Variants in RC3H2 observed in about 807,000 individuals in gnomAD.
The protein encoded by RC3H2 is ring finger and CCCH-type domains 2.
In RC3H2, 31 loss-of-function variants were observed where a neutral mutation model predicts 133.3. The observed-to-expected ratio is 0.23, with a 90% CI of 0.17 to 0.31. The LOEUF is 0.31. Among genes scored for constraint, RC3H2 ranks in the 10% least tolerant of loss-of-function variants. The pLI, the probability that RC3H2 is intolerant of heterozygous loss-of-function variation, is 1.00. For synonymous variants in RC3H2, 517 were observed against 502.2 expected (o/e 1.03, Z -0.40); for missense variants, 1,175 against 1,437.2 (o/e 0.82, Z 2.95).
chr9:122,902,303 C>T (rs1205214280), intron 1 of RC3H2, among the ~76,000 whole-genome samples: 1 of 152,158 alleles, frequency 6.6e-6, no homozygotes, highest in Non-Finnish European at 1.5e-5. Context: ...ATAGAACTTA[C>T]TTCTGCCTAT....
chr9:122,900,517 TG>T (rs1460823426), intron 1 of RC3H2, among the ~76,000 whole-genome samples: 1 of 152,160 alleles, frequency 6.6e-6, no homozygotes, highest in Non-Finnish European at 1.5e-5. Flanking sequence ...AAAATATTTT[TG>T]TAACTACCAA....
At chr9:122,878,561 C>A (rs369268524) in intron 8 of RC3H2, among the ~76,000 whole-genome samples, 2 of 152,104 alleles carry the variant, frequency 1.3e-5, no homozygotes, top group African/African-American at 4.8e-5. Context: ...TGAGCCACCG[C>A]GCCCAGCCCC....
chr9:122,892,602 G>A lies in RC3H2; in HGVS notation c.349+307C>T, dbSNP rs545157596. On this transcript the variant is annotated intron_variant, in intron 3 of 20. Coordinates refer to ENST00000357244, the MANE Select transcript of RC3H2 (RefSeq NM_001100588.3). ...AATTTTTTGTATTTTTAGTAGAGAC[G>A]GGGTTTCACCGTGTTAGCCAGGATA... is the stretch of plus-strand genomic sequence containing the variant. Among the ~76,000 whole-genome samples the A allele has an allele frequency of 2.0e-5, 3 of 152,148 alleles. No homozygotes were observed. In the East Asian group the frequency reaches 5.8e-4, roughly 29 times the overall value.
At chr9:122,872,865 C>T (rs1831159437) in intron 9 of RC3H2, among the ~76,000 whole-genome samples, 2 of 152,222 alleles carry the variant, frequency 1.3e-5, no homozygotes, top group South Asian at 4.1e-4. Context: ...GGATTACAGG[C>T]ATGAGCCACT....
chr9:122,895,750 CT>C (rs1832389531), intron 2 of RC3H2, among the ~76,000 whole-genome samples: 1 of 152,044 alleles, frequency 6.6e-6, no homozygotes, highest in African/African-American at 2.4e-5. Flanking sequence ...AAAATAATTC[CT>C]TTCTGGCTTT....
intron 16 of RC3H2, 86 bp downstream of exon 16, chr9:122,854,445 T>C (rs1335400581): frequency 8.2e-7 from 1 of 1,217,002 alleles, no homozygotes; most frequent in African/African-American, 1.5e-5. Context: ...CAAAGCACAT[T>C]TCATGAACTG....
intron 14 of RC3H2, 90 bp downstream of exon 14, chr9:122,855,638 TATGA>T: frequency 9.4e-6 from 13 of 1,385,616 alleles, no homozygotes; most frequent in South Asian, 2.8e-5. Flanking sequence ...AAGGCAACAA[TATGA>T]ATGAATGAAT....
At position 122,854,717 on chromosome 9, in the gene RC3H2, C is replaced by T; in HGVS notation, c.2816-102G>A. ...ATAGATCTGTATTTTATCCCACTAG[C>T]CATATGATGCTGGTTAAACACCTAA... On this transcript the variant is annotated intron_variant, in intron 15 of 20. Transcript: ENST00000357244. 3 of 763,358 alleles carry T rather than the reference C, an allele frequency of 3.9e-6. No individual in the cohort carries two copies. The South Asian group carries it at 4.4e-5, about 11-fold the overall frequency. 47.3% of individuals were successfully genotyped at this position (763,358 alleles called of 1,614,324 possible). A position where few individuals can be genotyped will look rare whatever the true frequency, so the allele number is the denominator to read the frequency against.
At chr9:122,902,032 C>T (rs532617928) in intron 1 of RC3H2, among the ~76,000 whole-genome samples, 175 of 150,882 alleles carry the variant, frequency 1.2e-3, no homozygotes, top group Non-Finnish European at 2.1e-3. Context: ...CGGGTTCAAG[C>T]GATTCTCCTG....
At chr9:122,882,526 T>C (rs1220841474) in intron 5 of RC3H2, among the ~76,000 whole-genome samples, 1 of 152,260 alleles carries the variant, frequency 6.6e-6, no homozygotes, top group Non-Finnish European at 1.5e-5. Context: ...CCTTTCTATT[T>C]CCAAGTACAT....
intron 13 of RC3H2, 115 bp downstream of exon 13, chr9:122,857,808 T>A: frequency 1.2e-6 from 1 of 802,382 alleles, no homozygotes; most frequent in Non-Finnish European, 1.9e-6. Flanking sequence ...CTAAACTCAA[T>A]TGCACACCAA....
At chr9:122,883,435 G>A in intron 4 of RC3H2, 56 bp from the exon 5 acceptor site, 2 of 1,387,366 alleles carry the variant, frequency 1.4e-6, no homozygotes, top group Non-Finnish European at 2.0e-6. Context: ...ATCAGATCAT[G>A]TGTGTCATAG....
chr9:122,885,012 T>C (rs1019806385), intron 4 of RC3H2, among the ~76,000 whole-genome samples: 2 of 152,100 alleles, frequency 1.3e-5, no homozygotes, highest in Admixed American at 6.6e-5. Context: ...TTGAACTGGA[T>C]CTCACACTTG....
At chr9:122,875,614 A>G (rs546989225) in intron 9 of RC3H2, among the ~76,000 whole-genome samples, 57 of 152,332 alleles carry the variant, frequency 3.7e-4, no homozygotes, top group Middle Eastern at 3.4e-3. Flanking sequence ...ATTTTATGTG[A>G]TAAGTGTTTG....
intron 18 of RC3H2, chr9:122,853,744 C>A: frequency 7.4e-7 from 1 of 1,346,904 alleles, no homozygotes; most frequent in Non-Finnish European, 9.9e-7. Context: ...AAGATTCCAT[C>A]TCAAAAAAAC....
intron 2 of RC3H2, among the ~76,000 whole-genome samples, 192 bp from the exon 3 acceptor site, chr9:122,893,218 G>C (rs1428891922): frequency 6.6e-6 from 1 of 152,162 alleles, no homozygotes; most frequent in Admixed American, 6.5e-5. Context: ...ATAAGGCCGG[G>C]CATGGTGGCT....
In RC3H2 at chr9:122,851,212, C is replaced by A; in HGVS notation, c.3249G>T (p.Gln1083His). ...SEPIEEILDIQLGISSQNDQL... is the reference protein window; with the variant it reads ...SEPIEEILDIHLGISSQNDQL... ...GATCATTTTGAGAACTGATACCAAGCTGTATGTCCAAGATCTCCTAAGAAA... is the reference window on the plus strand; with the variant it reads ...GATCATTTTGAGAACTGATACCAAGATGTATGTCCAAGATCTCCTAAGAAA... Residue 1083 changes from glutamine to histidine, a missense_variant, in exon 20 of 21, where the codon CAG becomes CAT. Transcript: ENST00000357244. 1 of 1,614,074 alleles carries A rather than the reference C, an allele frequency of 6.2e-7. No individual in the cohort carries two copies. Among genetic ancestry groups the A allele is most frequent in the Non-Finnish European group, 8.5e-7 (1 of 1,179,954 alleles).
At chr9:122,866,114 T>C (rs979159955) in intron 9 of RC3H2, among the ~76,000 whole-genome samples, 1 of 152,156 alleles carries the variant, frequency 6.6e-6, no homozygotes, top group Non-Finnish European at 1.5e-5. Context: ...TACCAAACTG[T>C]AAAAGGATTA....
chr9:122,898,931 T>A (rs1019056686), intron 1 of RC3H2, among the ~76,000 whole-genome samples: 1 of 151,990 alleles, frequency 6.6e-6, no homozygotes, highest in African/African-American at 2.4e-5. Context: ...ATCAAACAAC[T>A]AATACTTTAT....
Sources: allele counts gnomAD v4.1 joint callset (sites outside exome capture counted in the v4.1 genomes callset), GRCh38; gene constraint gnomAD v4.1.1; transcripts MANE v1.5; gene names NCBI Gene and HGNC (gene_info 2026-07-23, HGNC 2026-07-21).